Variants in DAB1 observed in about 807,000 individuals in gnomAD.
The protein encoded by DAB1 is DAB adaptor protein 1, also known as disabled homolog 1.
Under a neutral mutation model 64.6 loss-of-function variants are expected in DAB1, and 15 were observed. The observed-to-expected ratio is 0.23, with a 90% CI of 0.16 to 0.36. The LOEUF is 0.36. DAB1 is among the 10% of genes least tolerant of loss of function. The pLI is 1.00. For missense variants in DAB1, 596 were observed against 706.7 expected (o/e 0.84, Z 1.78); for synonymous variants, 235 against 251.9 (o/e 0.93, Z 0.64).
intron 2 of DAB1, among the ~76,000 whole-genome samples, chr1:57,285,208 G>C (rs1330458518): frequency 2.0e-5 from 3 of 152,052 alleles, no homozygotes; most frequent in Non-Finnish European, 4.4e-5. Flanking sequence ...GACTAAGCCA[G>C]ACTACATTGC....
intron 6 of DAB1, among the ~76,000 whole-genome samples, chr1:57,678,541 A>G (rs1271135697): frequency 6.6e-6 from 1 of 152,166 alleles, no homozygotes; most frequent in Non-Finnish European, 1.5e-5. Context: ...AAAGGCTATA[A>G]TTCAGCATAG....
chr1:57,469,399 G>A (rs1318343433), intron 7 of DAB1, among the ~76,000 whole-genome samples: 2 of 152,120 alleles, frequency 1.3e-5, no homozygotes, highest in Admixed American at 1.3e-4. Flanking sequence ...AGATCAGACA[G>A]AAAAAGGAGA....
chr1:57,711,192 T>C (rs149668597), intron 6 of DAB1, among the ~76,000 whole-genome samples: 3 of 152,316 alleles, frequency 2.0e-5, no homozygotes, highest in African/African-American at 7.2e-5. Flanking sequence ...CTGAATTTTG[T>C]CAAAGGCCTA....
chr1:57,461,937 T>C (rs542928752), intron 7 of DAB1, among the ~76,000 whole-genome samples: 34 of 146,456 alleles, frequency 2.3e-4, no homozygotes, highest in African/African-American at 8.6e-4. Flanking sequence ...AAGGATAAGA[T>C]ATACTCTTTT....
At chr1:58,213,967 C>T (rs647309) in intron 4 of DAB1, among the ~76,000 whole-genome samples, 1,744 of 152,238 alleles carry the variant, frequency 0.011, 40 homozygotes, top group African/African-American at 0.04. Context: ...AATTGTAATC[C>T]TGCCTGAGTC....
chr1:58,089,971 A>G (rs1310454963), intron 5 of DAB1, among the ~76,000 whole-genome samples: 5 of 152,366 alleles, frequency 3.3e-5, no homozygotes, highest in African/African-American at 1.2e-4. Flanking sequence ...TAGACTCAAC[A>G]TCGCAGCTGC....
In DAB1 at chr1:58,323,053, G is replaced by GCACAGGGCGGGGAACAT. The variant is rs1662726088; in HGVS notation, n.309+20282_309+20298dup. ...CGAACAGAATAATGAGAACACTTGGGCACAGGGCGGGGAACATCACACATG... is the reference window on the plus strand; with the variant it reads ...CGAACAGAATAATGAGAACACTTGGGCACAGGGCGGGGAACATCACAGGGCGGGGAACATCACACATG... On this transcript the variant is annotated intron_variant and non_coding_transcript_variant, in intron 4 of 20. Transcript: ENST00000485760. Among the ~76,000 whole-genome samples the GCACAGGGCGGGGAACAT allele has an allele frequency of 2.0e-5, 3 of 149,406 alleles. No individual in the cohort carries two copies. The East Asian group carries it at 5.9e-4, about 30-fold the overall frequency.
chr1:57,336,132 G>A (rs989694683), intron 1 of DAB1, among the ~76,000 whole-genome samples: 9 of 152,070 alleles, frequency 5.9e-5, no homozygotes, highest in Non-Finnish European at 1.3e-4. Context: ...CCCAATTTTC[G>A]AAATTTCCCC....
intron 3 of DAB1, among the ~76,000 whole-genome samples, chr1:58,382,840 C>T (rs1255467304): frequency 1.3e-5 from 2 of 152,170 alleles, no homozygotes; most frequent in Non-Finnish European, 2.9e-5. Flanking sequence ...GTAGAAATGA[C>T]ACAGAGATGA....
chr1:57,455,125 A>T (rs2101163684), intron 7 of DAB1, among the ~76,000 whole-genome samples: 1 of 152,284 alleles, frequency 6.6e-6, no homozygotes, highest in East Asian at 1.9e-4. Flanking sequence ...AGGGAAAAGC[A>T]TGTTCAAAGA....
intron 6 of DAB1, among the ~76,000 whole-genome samples, chr1:57,749,697 T>C (rs1182374352): frequency 1.3e-5 from 2 of 151,748 alleles, no homozygotes; most frequent in African/African-American, 2.4e-5. Flanking sequence ...TATAAAAACA[T>C]AGGGCAGGAG....
At chr1:57,821,140 T>G (rs1381915583), downstream of DAB1, among the ~76,000 whole-genome samples, 1 of 152,004 alleles carries the variant, frequency 6.6e-6, no homozygotes, top group Admixed American at 6.6e-5. Flanking sequence ...CTCTAACATA[T>G]CACCTTCATT....
At chr1:57,777,203 T>C (rs2101837906) in intron 6 of DAB1, among the ~76,000 whole-genome samples, 1 of 150,554 alleles carries the variant, frequency 6.6e-6, no homozygotes, top group Non-Finnish European at 1.5e-5. Context: ...TATTCCTCTA[T>C]ACTTAATGTA....
At chr1:58,015,986 T>G (rs1646732729) in intron 5 of DAB1, among the ~76,000 whole-genome samples, 1 of 151,572 alleles carries the variant, frequency 6.6e-6, no homozygotes, top group African/African-American at 2.4e-5. Flanking sequence ...TTTGCAGTGA[T>G]GAAGGGACAC....
chr1:58,443,684 T>C (rs1318109836), intron 3 of DAB1, among the ~76,000 whole-genome samples: 1 of 152,230 alleles, frequency 6.6e-6, no homozygotes, highest in Non-Finnish European at 1.5e-5. Context: ...TCTGCAAATC[T>C]AGATATTCTT....
At chr1:58,155,255 T>C (rs1386432238) in intron 4 of DAB1, among the ~76,000 whole-genome samples, 1 of 152,214 alleles carries the variant, frequency 6.6e-6, no homozygotes, top group African/African-American at 2.4e-5. Flanking sequence ...ACCTAGACTC[T>C]AGGTCAGTGG....
At chr1:57,542,619 T>G (rs1039695876) in intron 7 of DAB1, among the ~76,000 whole-genome samples, 69 of 152,000 alleles carry the variant, frequency 4.5e-4, no homozygotes, top group African/African-American at 1.6e-3. Context: ...CTTGGATTTA[T>G]CCAGGGTTAA....
At chr1:57,145,217 T>C (rs1658994080) in intron 3 of DAB1, 73 bp downstream of exon 3, 1 of 1,431,158 alleles carries the variant, frequency 7.0e-7, no homozygotes. Flanking sequence ...TATTTACAAT[T>C]ATGATGGTAA....
chr1:57,833,661 G>A (rs1356298294), intron 1 of DAB1, among the ~76,000 whole-genome samples: 1 of 152,230 alleles, frequency 6.6e-6, no homozygotes, highest in Non-Finnish European at 1.5e-5. Flanking sequence ...TTGGTGAATT[G>A]AGGAGTAGGC....
Sources: gnomAD v4.1 joint callset for allele counts (sites outside exome capture counted in the v4.1 genomes callset) on GRCh38, gnomAD v4.1.1 for gene constraint, MANE v1.5 for transcripts, NCBI Gene and HGNC (gene_info 2026-07-23, HGNC 2026-07-21) for gene names.